DNAJC1: variants seen among roughly 807,000 people sequenced by gnomAD.
The protein encoded by DNAJC1 is dnaJ homolog subfamily C member 1.
A neutral mutation model predicts 76.6 loss-of-function variants in DNAJC1; 58 were observed. That is an observed-to-expected ratio of 0.76 (90% confidence interval 0.61 to 0.94). The LOEUF (loss-of-function observed/expected upper bound fraction) is 0.94. Ranked by LOEUF, DNAJC1 falls within the 40% of genes least tolerant of loss-of-function variation. The pLI is 0.00. For missense variants in DNAJC1, 689 were observed against 677.3 expected, an observed-to-expected ratio of 1.02 and a Z score of -0.19; for synonymous variants, 258 against 267.9, an observed-to-expected ratio of 0.96 and a Z score of 0.36.
intron 1 of DNAJC1, among the ~76,000 whole-genome samples, chr10:21,951,157 TA>T (rs1167151458): frequency 6.6e-6 from 1 of 151,996 alleles, no homozygotes; most frequent in East Asian, 1.9e-4. Flanking sequence ...ACGTCTCTAC[TA>T]AAAATGCAAA....
intron 11 of DNAJC1, among the ~76,000 whole-genome samples, chr10:21,758,684 G>A (rs755102552): frequency 6.6e-6 from 1 of 152,254 alleles, no homozygotes; most frequent in Non-Finnish European, 1.5e-5. Context: ...CAGAATCGAA[G>A]ATGATCACGG....
intron 8 of DNAJC1, among the ~76,000 whole-genome samples, chr10:21,815,480 C>T (rs550171699): frequency 3.3e-4 from 50 of 152,232 alleles, no homozygotes; most frequent in African/African-American, 1.1e-3. Flanking sequence ...ATAAACTGTC[C>T]TCTATCTCTG....
intron 9 of DNAJC1, among the ~76,000 whole-genome samples, chr10:21,783,610 A>C (rs1006079156): frequency 6.6e-6 from 1 of 152,212 alleles, no homozygotes; most frequent in African/African-American, 2.4e-5. Context: ...CCTAAGCAAA[A>C]AGAACAAAGC....
chr10:21,944,479 T>G (rs955639519), intron 1 of DNAJC1, among the ~76,000 whole-genome samples: 1 of 152,168 alleles, frequency 6.6e-6, no homozygotes, highest in Admixed American at 6.5e-5. Context: ...ATTTATATAT[T>G]GTTTTAAGTT....
At position 22,003,352 on chromosome 10, in the gene DNAJC1, C is replaced by CGCGGCG. The variant is rs758795091; in HGVS notation, c.77_82dup (p.Pro26_Pro27dup). 3.5e-6 allele frequency: 5 copies of CGCGGCG among 1,424,844 alleles called. No homozygotes were observed. The highest frequency in any genetic ancestry group is 4.6e-6 in the Non-Finnish European group (5 of 1,092,970). The allele number at this position is 1,424,844 out of a possible 1,614,324, so 88.3% of individuals were successfully genotyped here. A position where few individuals can be genotyped will look rare whatever the true frequency, so the allele number is the denominator to read the frequency against. On this transcript the variant is annotated inframe_insertion, in exon 1 of 12. Transcript: ENST00000376980. The stretch of plus-strand genomic sequence containing the variant: ...CAGCAGCAGCCACAGCAGCGGCGTC[C>CGCGGCG]GCGGCGGCGGCGGCGGGAACGGCAC...
intron 8 of DNAJC1, among the ~76,000 whole-genome samples, chr10:21,824,004 A>G (rs936047320): frequency 1.3e-5 from 2 of 152,228 alleles, no homozygotes; most frequent in Non-Finnish European, 2.9e-5. Context: ...AAACATATGG[A>G]CAAATTCCTT....
intron 8 of DNAJC1, among the ~76,000 whole-genome samples, chr10:21,838,013 G>A (rs1283810903): frequency 1.4e-4 from 20 of 147,274 alleles, no homozygotes; most frequent in African/African-American, 3.5e-4. Context: ...GGTGGGGGGC[G>A]TCTCCGCCCA....
chr10:21,957,218 T>C (rs1437157804), intron 1 of DNAJC1, among the ~76,000 whole-genome samples: 2 of 152,146 alleles, frequency 1.3e-5, no homozygotes, highest in Admixed American at 6.5e-5. Context: ...TTTAACCATA[T>C]GTATTTTGCC....
chr10:21,760,576 C>A (rs1017249422), intron 10 of DNAJC1, among the ~76,000 whole-genome samples: 1 of 152,248 alleles, frequency 6.6e-6, no homozygotes, highest in Non-Finnish European at 1.5e-5. Context: ...GGAGCAGAAA[C>A]TGGCCCAGCC....
chr10:21,812,248 G>A (rs903726516), intron 8 of DNAJC1, among the ~76,000 whole-genome samples: 8 of 151,426 alleles, frequency 5.3e-5, no homozygotes, highest in African/African-American at 4.9e-5. Context: ...TGGTAGAGAC[G>A]GGGTTTCACC....
chr10:21,784,300 AT>A (rs1341898464), intron 9 of DNAJC1, among the ~76,000 whole-genome samples: 1 of 152,264 alleles, frequency 6.6e-6, no homozygotes, highest in African/African-American at 2.4e-5. Flanking sequence ...GCAAGAAAAA[AT>A]GCTCATCATC....
intron 1 of DNAJC1, among the ~76,000 whole-genome samples, chr10:21,935,665 G>C (rs550035474): frequency 1.3e-5 from 2 of 152,026 alleles, no homozygotes; most frequent in East Asian, 3.9e-4. Context: ...AAACTAAAGA[G>C]ATCCACACCT....
chr10:21,828,633 G>A (rs150624703), intron 8 of DNAJC1, among the ~76,000 whole-genome samples: 142 of 152,210 alleles, frequency 9.3e-4, no homozygotes, highest in African/African-American at 2.2e-3. Flanking sequence ...CAGCTTCAAC[G>A]ATTATTAATT....
chr10:21,854,211 C>T (rs548610828), intron 8 of DNAJC1, among the ~76,000 whole-genome samples: 8 of 151,888 alleles, frequency 5.3e-5, no homozygotes, highest in African/African-American at 1.7e-4. Context: ...CTCAATTCTT[C>T]CTAAAAGGTA....
intron 1 of DNAJC1, among the ~76,000 whole-genome samples, chr10:21,947,218 A>G (rs1481466133): frequency 2.0e-5 from 3 of 152,220 alleles, no homozygotes; most frequent in Non-Finnish European, 1.5e-5. Context: ...CCAATTTAAG[A>G]AGCAAATTAG....
At chr10:21,781,063 C>G (rs1834521946) in intron 9 of DNAJC1, among the ~76,000 whole-genome samples, 1 of 152,162 alleles carries the variant, frequency 6.6e-6, no homozygotes, top group Non-Finnish European at 1.5e-5. Flanking sequence ...AATATATATG[C>G]ACCCTATTCA....
At chr10:21,897,759 T>G (rs2131737737) in intron 7 of DNAJC1, among the ~76,000 whole-genome samples, 1 of 152,312 alleles carries the variant, frequency 6.6e-6, no homozygotes, top group South Asian at 2.1e-4. Flanking sequence ...CACCTACAGC[T>G]TACATCATAC....
At chr10:21,832,657 A>G (rs780166852) in intron 8 of DNAJC1, among the ~76,000 whole-genome samples, 1 of 152,006 alleles carries the variant, frequency 6.6e-6, no homozygotes, top group African/African-American at 2.4e-5. Flanking sequence ...CCTGGTCTCT[A>G]TTTCTGTTAG....
At chr10:21,891,595 G>A (rs1020597197) in intron 7 of DNAJC1, among the ~76,000 whole-genome samples, 1 of 151,644 alleles carries the variant, frequency 6.6e-6, no homozygotes, top group Admixed American at 6.6e-5. Flanking sequence ...TGTAGTAGAA[G>A]TACAATTCAA....
Sources: allele counts gnomAD v4.1 joint callset (sites outside exome capture counted in the v4.1 genomes callset), GRCh38; gene constraint gnomAD v4.1.1; transcripts MANE v1.5; gene names NCBI Gene and HGNC (gene_info 2026-07-23, HGNC 2026-07-21).